The following FBLIM1 variants were observed in gnomAD, a reference collection of about 807,000 sequenced individuals.
FBLIM1 encodes the protein filamin-binding LIM protein 1.
Under a neutral mutation model 37.4 loss-of-function variants are expected in FBLIM1, and 29 were observed. The ratio of observed to expected loss-of-function variants is 0.77; its 90% CI spans 0.58 to 1.06. The LOEUF is 1.06. FBLIM1 is among the 50% of genes least tolerant of loss of function. FBLIM1 has a pLI of 0.00. For missense variants in FBLIM1, 449 were observed against 505.6 expected (o/e 0.89, Z 1.07); for synonymous variants, 193 against 199.0 (o/e 0.97, Z 0.25).
rs2068957070 is a variant in FBLIM1, at chr1:15,767,022, T to C, written c.251-354T>C. On this transcript the variant is annotated intron_variant, in intron 3 of 8. Coordinates refer to ENST00000375766, the MANE Select transcript of FBLIM1 (RefSeq NM_017556.4). ...CTTCCACGTCAGCCTCCCAAGTAGC[T>C]AGGACTACAGGCTTGTGCTGCCATG... Among the ~76,000 whole-genome samples the C allele has an allele frequency of 3.3e-5, 5 of 152,014 alleles. No homozygotes were observed. In the South Asian group the frequency reaches 1.0e-3, roughly 32 times the overall value.
intron 8 of FBLIM1, among the ~76,000 whole-genome samples, chr1:15,780,168 T>C (rs1178124558): frequency 1.3e-5 from 2 of 151,584 alleles, no homozygotes; most frequent in East Asian, 3.9e-4. Context: ...TGAGATCACA[T>C]GCATGAGCCA....
At chr1:15,766,523 C>G (rs912640385) in intron 3 of FBLIM1, among the ~76,000 whole-genome samples, 2 of 152,156 alleles carry the variant, frequency 1.3e-5, no homozygotes, top group Non-Finnish European at 2.9e-5. Context: ...TCTCAAATTC[C>G]TGACCTCAGG....
chr1:15,776,536 A>AT (rs2069493047), intron 7 of FBLIM1, among the ~76,000 whole-genome samples: 1 of 151,838 alleles, frequency 6.6e-6, no homozygotes. Context: ...GTTGCTCACC[A>AT]CTCAAGCGGA....
At chr1:15,769,676 C>T (rs1256970203) in intron 5 of FBLIM1, among the ~76,000 whole-genome samples, 3 of 151,686 alleles carry the variant, frequency 2.0e-5, no homozygotes, top group Non-Finnish European at 1.5e-5. Flanking sequence ...CTTGCTCTGT[C>T]ACCAGGCTAG....
intron 4 of FBLIM1, 51 bp from the exon 5 acceptor site, chr1:15,768,477 G>C (rs764345647): frequency 7.8e-7 from 1 of 1,284,192 alleles, no homozygotes; most frequent in East Asian, 2.7e-5. Flanking sequence ...AACAGAGCTG[G>C]GAGGGCTGCA....
At chr1:15,777,726 C>T (rs1208376783) in intron 8 of FBLIM1, among the ~76,000 whole-genome samples, 1 of 152,034 alleles carries the variant, frequency 6.6e-6, no homozygotes, top group East Asian at 1.9e-4. Context: ...GCGCGCACCA[C>T]CACACCTGGC....
In FBLIM1 at chr1:15,777,251, G is replaced by A. The variant is rs1182010678; in HGVS notation, c.972G>A (p.Met324Ile). Residue 324 changes from methionine (M) to isoleucine (I), a missense_variant, in exon 8 of 9, where the codon ATG becomes ATA. Physicochemically the swap from Met to Ile is conservative, Grantham distance 10. Coordinates refer to ENST00000375766, the MANE Select transcript of FBLIM1 (RefSeq NM_017556.4). ...AAGATGCCTTCAAAATCGAATGCAT[G>A]GGAAGAAACTTCCATGAAAATTGCT... Reference protein sequence around the residue: ...DGKDAFKIECMGRNFHENCYR... With the variant: ...DGKDAFKIECIGRNFHENCYR... 1 of 1,613,368 alleles carries A rather than the reference G, an allele frequency of 6.2e-7. No homozygotes were observed. The highest frequency in any genetic ancestry group is 1.3e-5 in the African/African-American group (1 of 75,022).
At position 15,775,729 on chromosome 1, in the gene FBLIM1, C is replaced by T. The variant is rs182362675; in HGVS notation, c.890+933C>T. Among the ~76,000 whole-genome samples the T allele has an allele frequency of 1.5e-4, 23 of 152,034 alleles. No homozygotes were observed. The East Asian group carries it at 2.9e-3, about 19-fold the overall frequency. ...TGTCCTCTTGGGCCTTCTATGGAGA[C>T]GTCATTGGATAGGCATGATTGACCA... On this transcript the variant is annotated intron_variant, in intron 7 of 8. Coordinates refer to ENST00000375766, the MANE Select transcript of FBLIM1 (RefSeq NM_017556.4).
chr1:15,765,875 C>G lies in FBLIM1; in HGVS notation c.250+642C>G, dbSNP rs186662527. Among the ~76,000 whole-genome samples the G allele has an allele frequency of 3.3e-5, 5 of 152,172 alleles. No individual in the cohort carries two copies. Among genetic ancestry groups the G allele is most frequent in the African/African-American group, 1.2e-4 (5 of 41,444 alleles). ...CCATCATAGCCTATGGGCCCTGCACCGGGAGGCAGGCACTGGGAGAGGCCA... is the reference window on the plus strand; with the variant it reads ...CCATCATAGCCTATGGGCCCTGCACGGGGAGGCAGGCACTGGGAGAGGCCA... On this transcript the variant is annotated intron_variant, in intron 3 of 8. Coordinates refer to ENST00000375766, the MANE Select transcript of FBLIM1 (RefSeq NM_017556.4). The surrounding 1 kb of genome is among the most constrained non-coding windows in gnomAD (Gnocchi z 5.9).
chr1:15,768,512 G>C lies in FBLIM1; in HGVS notation c.439-16G>C. The C allele has an allele frequency of 3.3e-6, 5 of 1,537,692 alleles. No homozygotes were observed. Among genetic ancestry groups the C allele is most frequent in the Non-Finnish European group, 4.4e-6 (5 of 1,146,772 alleles). ...ATGGGGTCCCACTGGATGACTCCCC[G>C]TCTGCATCCCCACAGGCCCCAGCGG... is the stretch of plus-strand genomic sequence containing the variant. On this transcript the variant is annotated splice_polypyrimidine_tract_variant and intron_variant, in intron 4 of 8. Transcript: ENST00000375766.
chr1:15,780,446 C>T (rs1261993125), intron 8 of FBLIM1, among the ~76,000 whole-genome samples: 2 of 152,144 alleles, frequency 1.3e-5, no homozygotes, highest in Admixed American at 6.5e-5. Context: ...GTGATCTGCC[C>T]GCCTTGGCCT....
chr1:15,768,663 G>A, intron 5 of FBLIM1, 33 bp downstream of exon 5: 1 of 1,543,980 alleles, frequency 6.5e-7, no homozygotes, highest in South Asian at 1.2e-5. Context: ...ATACTGGGGT[G>A]ATCTCATGGG....
intron 5 of FBLIM1, among the ~76,000 whole-genome samples, chr1:15,769,623 T>C (rs2069103630): frequency 1.3e-5 from 2 of 152,042 alleles, no homozygotes; most frequent in Admixed American, 6.6e-5. Context: ...ATTCCTTATT[T>C]ATTTATGTTA....
intron 5 of FBLIM1, 35 bp downstream of exon 5, chr1:15,768,665 T>A (rs1350460794): frequency 6.5e-7 from 1 of 1,545,432 alleles, no homozygotes; most frequent in Non-Finnish European, 8.8e-7. Context: ...ACTGGGGTGA[T>A]CTCATGGGGC....
In FBLIM1 at chr1:15,769,543, G is replaced by A. The variant is rs149175869; in HGVS notation, c.542-866G>A. ...CTCCTGGCTGGGTGTAGTGGTTCATGCCTGTAATCCCAGCACTTTGGGAGG... is the reference window on the plus strand; with the variant it reads ...CTCCTGGCTGGGTGTAGTGGTTCATACCTGTAATCCCAGCACTTTGGGAGG... On this transcript the variant is annotated intron_variant, in intron 5 of 8. Coordinates refer to ENST00000375766, the MANE Select transcript of FBLIM1 (RefSeq NM_017556.4). 2.0e-3 allele frequency among the ~76,000 whole-genome samples: 307 copies of A among 152,290 alleles called. 1 individual carries two copies. Among genetic ancestry groups the A allele is most frequent in the Middle Eastern group, 6.8e-3 (2 of 294 alleles).
intron 7 of FBLIM1, chr1:15,775,205 G>A (rs1473438449): frequency 6.9e-6 from 1 of 144,576 alleles, no homozygotes; most frequent in Non-Finnish European, 1.3e-5. Context: ...GGGCAACAGA[G>A]TGTGAGACTC....
Position 15,784,801 on chromosome 1 carries a change from C to T in FBLIM1, c.*140C>T. On this transcript the variant is annotated 3_prime_UTR_variant, in exon 9 of 9. Coordinates refer to ENST00000375766, the MANE Select transcript of FBLIM1 (RefSeq NM_017556.4). ...AGCCTGCAAGCCGGCCCAGCCTGTC[C>T]AGGATACAGTGGGGCTGAGCACCCC... The T allele has an allele frequency of 1.5e-6, 1 of 679,156 alleles. No homozygotes were observed. The highest frequency in any genetic ancestry group is 2.5e-6 in the Non-Finnish European group (1 of 397,926). 42.1% of individuals were successfully genotyped at this position (679,156 alleles called of 1,614,324 possible). A position where few individuals can be genotyped will look rare whatever the true frequency, so the allele number is the denominator to read the frequency against.
At chr1:15,761,255 G>A (rs1334216657) in intron 1 of FBLIM1, among the ~76,000 whole-genome samples, 2 of 152,132 alleles carry the variant, frequency 1.3e-5, no homozygotes, top group Non-Finnish European at 2.9e-5. Context: ...TGGGAACTTG[G>A]GCGACTTTGT....
intron 7 of FBLIM1, 182 bp downstream of exon 7, chr1:15,774,978 G>A: frequency 1.5e-6 from 2 of 1,332,626 alleles, no homozygotes; most frequent in Non-Finnish European, 2.1e-6. Flanking sequence ...CAGCACTTTG[G>A]GAGGCCGAGG....
Sources: allele counts gnomAD v4.1 joint callset (sites outside exome capture counted in the v4.1 genomes callset), GRCh38; gene constraint gnomAD v4.1.1; non-coding constraint Gnocchi (gnomAD v3.1); transcripts MANE v1.5; gene names NCBI Gene and HGNC (gene_info 2026-07-23, HGNC 2026-07-21).